The following PCDH15 variants were observed in gnomAD, a reference collection of about 807,000 sequenced individuals.
PCDH15 encodes the protein protocadherin-15.
PCDH15 carries 129 observed loss-of-function variants against 178.5 expected under a neutral mutation model. That is an observed-to-expected ratio of 0.72 (90% CI 0.63 to 0.84). The LOEUF is 0.84. Among genes scored for constraint, PCDH15 ranks in the 40% least tolerant of loss-of-function variants. PCDH15 has a pLI of 0.00. For synonymous variants in PCDH15, 800 were observed against 732.0 expected, an observed-to-expected ratio of 1.09 and a Z score of -1.50; for missense variants, 2,230 against 2,099.9, an observed-to-expected ratio of 1.06 and a Z score of -1.21.
chr10:53,973,185 G>A (rs944067243), intron 21 of PCDH15, among the ~76,000 whole-genome samples: 1 of 151,406 alleles, frequency 6.6e-6, no homozygotes, highest in East Asian at 2.0e-4. Context: ...GCAAAGTATT[G>A]CAAGGACAGA....
At chr10:54,066,672 C>T in intron 18 of PCDH15, 85 bp downstream of exon 18, 2 of 1,375,680 alleles carry the variant, frequency 1.5e-6, no homozygotes, top group Middle Eastern at 1.8e-4. Context: ...ATTACATTAG[C>T]TGAGTTTCTT....
chr10:55,152,200 A>G (rs1239976541), intron 2 of PCDH15, among the ~76,000 whole-genome samples: 2 of 152,152 alleles, frequency 1.3e-5, no homozygotes, highest in African/African-American at 4.8e-5. Context: ...TGAATATAAC[A>G]TCTCATTCAG....
At chr10:55,450,995 T>C (rs1322065100) in intron 2 of PCDH15, among the ~76,000 whole-genome samples, 1 of 127,714 alleles carries the variant, frequency 7.8e-6, no homozygotes, top group African/African-American at 3.2e-5. Context: ...AGTATGATCC[T>C]GACATACCAT....
At chr10:54,901,270 A>G (rs1954635001) in intron 2 of PCDH15, among the ~76,000 whole-genome samples, 1 of 152,062 alleles carries the variant, frequency 6.6e-6, no homozygotes, top group Non-Finnish European at 1.5e-5. Context: ...ATAGAGTGAG[A>G]CCCTGTCTCA....
At chr10:53,963,959 A>C (rs1911429) in intron 21 of PCDH15, among the ~76,000 whole-genome samples, 109,782 of 152,168 alleles carry the variant, frequency 0.72, 39,895 homozygotes, top group East Asian at 0.87. Context: ...GTTGTTAGTA[A>C]GGGCAATCTG....
chr10:55,364,722 T>A (rs1170667315), intron 2 of PCDH15, among the ~76,000 whole-genome samples: 1 of 152,128 alleles, frequency 6.6e-6, no homozygotes, highest in Non-Finnish European at 1.5e-5. Flanking sequence ...GACCTTTTGA[T>A]ATTGTCCTCA....
rs772198801 is a variant in PCDH15, at chr10:54,607,988, A to T, written c.91+56184T>A. 1.7e-5 allele frequency: 8 copies of T among 483,232 alleles called. No homozygotes were observed. The Admixed American group carries it at 1.9e-4, about 12-fold the overall frequency. The allele number at this position is 483,232 out of a possible 1,614,324, so 29.9% of individuals were successfully genotyped here. A position where few individuals can be genotyped will look rare whatever the true frequency, so the allele number is the denominator to read the frequency against. Reference sequence around the variant, plus strand: ...CGCACTTTGGAAAGGCTTTGCCTACATCATTTTGGTTATTGTGAGAAGACT... The same window carrying T: ...CGCACTTTGGAAAGGCTTTGCCTACTTCATTTTGGTTATTGTGAGAAGACT... On this transcript the variant is annotated intron_variant, in intron 2 of 37. Coordinates refer to ENST00000644397, the MANE Select transcript of PCDH15 (RefSeq NM_001384140.1).
At chr10:54,220,334 A>G (rs941790265) in intron 9 of PCDH15, among the ~76,000 whole-genome samples, 1 of 152,222 alleles carries the variant, frequency 6.6e-6, no homozygotes, top group Non-Finnish European at 1.5e-5. Flanking sequence ...GAAGAAACCA[A>G]CACTCACAGA....
chr10:53,901,084 T>G (rs1200183086), intron 26 of PCDH15, among the ~76,000 whole-genome samples: 2 of 152,098 alleles, frequency 1.3e-5, no homozygotes, highest in Admixed American at 1.3e-4. Context: ...TGTCACCTCA[T>G]GGCAGCAACA....
chr10:54,891,552 T>C (rs1188416553), intron 3 of PCDH15, among the ~76,000 whole-genome samples: 1 of 152,148 alleles, frequency 6.6e-6, no homozygotes, highest in African/African-American at 2.4e-5. Flanking sequence ...AGAGGTGTTT[T>C]GGTATGTAAG....
At chr10:54,050,373 G>A (rs1437198032) in intron 18 of PCDH15, among the ~76,000 whole-genome samples, 2 of 152,020 alleles carry the variant, frequency 1.3e-5, no homozygotes, top group Non-Finnish European at 2.9e-5. Context: ...AGCATCTGAG[G>A]ATCTTTTGTA....
chr10:54,506,499 T>C (rs2081179205), intron 3 of PCDH15, among the ~76,000 whole-genome samples: 1 of 152,048 alleles, frequency 6.6e-6, no homozygotes, highest in Non-Finnish European at 1.5e-5. Flanking sequence ...AAAGAATGCT[T>C]GTCCTAATAC....
chr10:54,935,320 A>G (rs955129855), intron 2 of PCDH15, among the ~76,000 whole-genome samples: 4 of 152,318 alleles, frequency 2.6e-5, no homozygotes, highest in African/African-American at 9.6e-5. Context: ...ACTAAGTTCA[A>G]TGCAACTTTT....
rs559956247 is a variant in PCDH15, at chr10:55,221,952, C to T, written c.-155-55301G>A. Among the ~76,000 whole-genome samples the T allele has an allele frequency of 3.3e-3, 498 of 151,140 alleles. 2 individuals carry two copies. Among genetic ancestry groups the T allele is most frequent in the Middle Eastern group, 6.9e-3 (2 of 288 alleles). On this transcript the variant is annotated intron_variant, in intron 1 of 5. Transcript: ENST00000458638. ...CTTGATCTCAGCTCACTGCAACCTCCGCCTCCTGGGTTCACGCCATTCTCC... is the reference window on the plus strand; with the variant it reads ...CTTGATCTCAGCTCACTGCAACCTCTGCCTCCTGGGTTCACGCCATTCTCC...
chr10:54,472,689 C>T (rs1253048106), intron 3 of PCDH15, among the ~76,000 whole-genome samples: 1 of 151,986 alleles, frequency 6.6e-6, no homozygotes, highest in East Asian at 1.9e-4. Flanking sequence ...GCAACAGGCA[C>T]AGTGGATTGT....
chr10:55,316,752 C>T (rs1053808675), intron 1 of PCDH15, among the ~76,000 whole-genome samples: 2 of 152,026 alleles, frequency 1.3e-5, no homozygotes, highest in African/African-American at 4.8e-5. Context: ...AATACAGGCA[C>T]ATTAATATGT....
At chr10:54,863,713 A>T (rs2131784196) in intron 3 of PCDH15, among the ~76,000 whole-genome samples, 1 of 152,270 alleles carries the variant, frequency 6.6e-6, no homozygotes, top group South Asian at 2.1e-4. Flanking sequence ...GGAAAATTTA[A>T]AGCTTTATTT....
intron 25 of PCDH15, among the ~76,000 whole-genome samples, chr10:53,922,296 A>G (rs1446964314): frequency 6.8e-6 from 1 of 146,984 alleles, no homozygotes; most frequent in Non-Finnish European, 1.5e-5. Context: ...TATCACAGCT[A>G]GCAGTAGTAA....
At chr10:54,272,184 A>C (rs1269079561) in intron 8 of PCDH15, among the ~76,000 whole-genome samples, 1 of 151,592 alleles carries the variant, frequency 6.6e-6, no homozygotes, top group Non-Finnish European at 1.5e-5. Context: ...ATTTAAAATC[A>C]TGTCTACTGA....
Sources: allele counts gnomAD v4.1 joint callset (sites outside exome capture counted in the v4.1 genomes callset), GRCh38; gene constraint gnomAD v4.1.1; transcripts MANE v1.5; gene names NCBI Gene and HGNC (gene_info 2026-07-23, HGNC 2026-07-21).